CNTN3: variants seen among roughly 807,000 people sequenced by gnomAD.
CNTN3 encodes contactin-3.
Under a neutral mutation model 119.1 loss-of-function variants are expected in CNTN3, and 60 were observed. The ratio of observed to expected loss-of-function variants is 0.50; its 90% CI spans 0.41 to 0.62. The LOEUF (loss-of-function observed/expected upper bound fraction) is 0.62, where lower values mean the gene tolerates loss of function less well. Ranked by LOEUF, CNTN3 falls within the 20% of genes least tolerant of loss-of-function variation. CNTN3 has a pLI of 0.00. For missense variants in CNTN3, 1,101 were observed against 1,242.4 expected, an observed-to-expected ratio of 0.89 and a Z score of 1.71; for synonymous variants, 450 against 438.7, an observed-to-expected ratio of 1.03 and a Z score of -0.32.
intron 11 of CNTN3, among the ~76,000 whole-genome samples, chr3:74,349,147 A>C (rs1383345768): frequency 6.6e-6 from 1 of 152,154 alleles, no homozygotes; most frequent in East Asian, 1.9e-4. Context: ...TGGGAACAGT[A>C]GATGTTAAAT....
At chr3:74,282,754 A>G (rs1452054339) in intron 20 of CNTN3, among the ~76,000 whole-genome samples, 2 of 152,214 alleles carry the variant, frequency 1.3e-5, no homozygotes, top group Non-Finnish European at 2.9e-5. Flanking sequence ...TACCAGTAAC[A>G]ATATTATTAA....
chr3:74,464,256 C>T (rs182094975), intron 4 of CNTN3, among the ~76,000 whole-genome samples: 2 of 152,172 alleles, frequency 1.3e-5, no homozygotes, highest in Admixed American at 6.5e-5. Context: ...ATTACAATAG[C>T]TCAAAAATAC....
intron 5 of CNTN3, among the ~76,000 whole-genome samples, chr3:74,406,092 T>G (rs1705316625): frequency 6.6e-6 from 1 of 152,116 alleles, no homozygotes; most frequent in Non-Finnish European, 1.5e-5. Context: ...TATGAGTGTC[T>G]TTTGAGTATT....
In CNTN3 at chr3:74,524,010, C is replaced by G. The variant is rs187687744; in HGVS notation, c.-80-2818G>C. Among the ~76,000 whole-genome samples, 582 of 151,858 alleles carry G rather than the reference C, an allele frequency of 3.8e-3. 2 individuals carry two copies. Among genetic ancestry groups the G allele is most frequent in the African/African-American group, 0.013 (522 of 41,474 alleles). On this transcript the variant is annotated intron_variant, in intron 1 of 22. Transcript: ENST00000263665. ...GAGATTAAATCTTTGCACCGGACAT[C>G]AAGTGAGTGAAAAGCATTTCTACTG... is the stretch of plus-strand genomic sequence containing the variant.
At chr3:74,364,719 G>T in intron 9 of CNTN3, 123 bp from the exon 10 acceptor site, 2 of 722,776 alleles carry the variant, frequency 2.8e-6, no homozygotes, top group Non-Finnish European at 2.2e-6. Flanking sequence ...TAGACAGGAT[G>T]GCCTGAAATT....
chr3:74,558,754 G>A (rs1053918291), intron 1 of CNTN3, among the ~76,000 whole-genome samples: 3 of 152,016 alleles, frequency 2.0e-5, no homozygotes, highest in Non-Finnish European at 4.4e-5. Context: ...GGCCGAGGCA[G>A]GCAAATCACA....
At chr3:74,484,680 C>T (rs555711156) in intron 4 of CNTN3, among the ~76,000 whole-genome samples, 64 of 152,142 alleles carry the variant, frequency 4.2e-4, no homozygotes, top group South Asian at 1.0e-3. Flanking sequence ...CAATATACAA[C>T]CAAGCGAACC....
In CNTN3 at chr3:74,366,780, G is replaced by GTGTGTATATATATATA. The variant is rs1447686332; in HGVS notation, c.947-1079_947-1078insTATATATATATACACA. Reference sequence around the variant, plus strand: ...TGTGCGTGTGTGTGTGTGTGTGTGTGTATATATATATATATATATATATAT... The same window carrying GTGTGTATATATATATA: ...TGTGCGTGTGTGTGTGTGTGTGTGTGTGTGTATATATATATATATATATATATATATATATATATAT... On this transcript the variant is annotated intron_variant, in intron 8 of 22. Transcript: ENST00000263665. Among the ~76,000 whole-genome samples the GTGTGTATATATATATA allele has an allele frequency of 7.2e-4, 46 of 63,698 alleles. 2 individuals are homozygous for GTGTGTATATATATATA. The highest frequency in any genetic ancestry group is 6.6e-3 in the East Asian group (12 of 1,828). 41.8% of individuals were successfully genotyped at this position (63,698 alleles called of 152,430 possible). A position where few individuals can be genotyped will look rare whatever the true frequency, so the allele number is the denominator to read the frequency against.
intron 1 of CNTN3, among the ~76,000 whole-genome samples, chr3:74,527,323 T>C (rs2107130724): frequency 6.6e-6 from 1 of 152,046 alleles, no homozygotes; most frequent in East Asian, 1.9e-4. Flanking sequence ...ATTCTGTTAA[T>C]TTTTGCTTCT....
chr3:74,509,438 C>T (rs561110777), intron 2 of CNTN3, among the ~76,000 whole-genome samples: 49 of 151,896 alleles, frequency 3.2e-4, no homozygotes, highest in South Asian at 1.0e-3. Flanking sequence ...TCTGGGATTA[C>T]GGGCACACGC....
At chr3:74,362,463 G>A (rs960538085) in intron 10 of CNTN3, among the ~76,000 whole-genome samples, 3 of 152,118 alleles carry the variant, frequency 2.0e-5, no homozygotes, top group African/African-American at 7.2e-5. Flanking sequence ...GCTAAGCACT[G>A]AATTAATATT....
intron 4 of CNTN3, among the ~76,000 whole-genome samples, chr3:74,448,104 T>C (rs567421281): frequency 2.2e-4 from 33 of 152,264 alleles, no homozygotes; most frequent in Non-Finnish European, 4.4e-4. Context: ...TTTAACCAAG[T>C]ATGCATACAC....
chr3:74,342,606 T>C (rs2044594), intron 11 of CNTN3, among the ~76,000 whole-genome samples: 66,023 of 152,016 alleles, frequency 0.43, 14,663 homozygotes, highest in East Asian at 0.66. Flanking sequence ...TTCATATCAT[T>C]TAACAGGTCC....
At chr3:74,545,407 C>T (rs565573069) in intron 1 of CNTN3, among the ~76,000 whole-genome samples, 1 of 152,300 alleles carries the variant, frequency 6.6e-6, no homozygotes, top group African/African-American at 2.4e-5. Context: ...AATCCCTTCA[C>T]ACTCCTTGAT....
chr3:74,294,807 G>A (rs1280063505), intron 19 of CNTN3, among the ~76,000 whole-genome samples: 1 of 152,010 alleles, frequency 6.6e-6, no homozygotes, highest in African/African-American at 2.4e-5. Flanking sequence ...GTTGATGAAA[G>A]TACTCTATGA....
intron 11 of CNTN3, among the ~76,000 whole-genome samples, chr3:74,339,776 G>A (rs748714076): frequency 5.9e-5 from 9 of 151,972 alleles, no homozygotes; most frequent in Non-Finnish European, 1.0e-4. Context: ...AAGGAGTTGG[G>A]GCTAGTGAAG....
intron 1 of CNTN3, among the ~76,000 whole-genome samples, chr3:74,600,218 G>C (rs913863774): frequency 2.6e-5 from 4 of 152,002 alleles, no homozygotes; most frequent in Non-Finnish European, 4.4e-5. Flanking sequence ...AAGGTGAATA[G>C]GGGAGTTGAA....
chr3:74,436,380 C>A (rs530815848), intron 4 of CNTN3, among the ~76,000 whole-genome samples: 1 of 152,248 alleles, frequency 6.6e-6, no homozygotes, highest in Admixed American at 6.5e-5. Context: ...GACCTCACAC[C>A]ACACCTACCC....
At chr3:74,429,450 AAT>A (rs936448907) in intron 4 of CNTN3, among the ~76,000 whole-genome samples, 2 of 152,098 alleles carry the variant, frequency 1.3e-5, no homozygotes, top group Non-Finnish European at 2.9e-5. Context: ...GAAAAAAAAA[AAT>A]CGACCTAAAC....
Sources: allele counts gnomAD v4.1 joint callset (sites outside exome capture counted in the v4.1 genomes callset), GRCh38; gene constraint gnomAD v4.1.1; transcripts MANE v1.5; gene names NCBI Gene and HGNC (gene_info 2026-07-23, HGNC 2026-07-21).